Variants in STEAP2 observed in about 807,000 individuals in gnomAD.
The protein encoded by STEAP2 is STEAP2 metalloreductase, also known as metalloreductase STEAP2.
In STEAP2, 30 loss-of-function variants were observed where a neutral mutation model predicts 46.4. That is an observed-to-expected ratio of 0.65 (90% CI 0.48 to 0.88). STEAP2 has a LOEUF of 0.88. Ranked by LOEUF, STEAP2 falls within the 40% of genes least tolerant of loss-of-function variation. The probability of loss-of-function intolerance (pLI) is 0.00; values close to 1 mark genes in which losing one functional copy is unlikely to be tolerated. For synonymous variants in STEAP2, 180 were observed against 200.5 expected (o/e 0.90, Z 0.86); for missense variants, 513 against 579.3 (o/e 0.89, Z 1.18).
chr7:90,232,115 T>C lies in STEAP2; in HGVS notation c.1186-222T>C, dbSNP rs531647939. ...ATATTAAACTGTATGCAGTAGGGCC[T>C]TATTTGTGTAACATAAGGTGTGCAT... On this transcript the variant is annotated intron_variant, in intron 5 of 5. Coordinates refer to ENST00000394621, the MANE Select transcript of STEAP2 (RefSeq NM_001244944.2). 3.9e-5 allele frequency among the ~76,000 whole-genome samples: 6 copies of C among 152,112 alleles called. No individual in the cohort carries two copies. The East Asian group carries it at 1.2e-3, about 29-fold the overall frequency.
intron 5 of STEAP2, among the ~76,000 whole-genome samples, chr7:90,231,361 A>G (rs1795739907): frequency 6.6e-6 from 1 of 151,794 alleles, no homozygotes. Context: ...AATTAATTTT[A>G]ATAATTTTAA....
downstream of STEAP2, among the ~76,000 whole-genome samples, chr7:90,240,539 T>C (rs952747879): frequency 3.3e-5 from 5 of 152,138 alleles, no homozygotes; most frequent in Admixed American, 3.3e-4. This position sits in a 1 kb window ranked among gnomAD's most constrained non-coding sequence, Gnocchi z 4.1. Context: ...CAAGAATATA[T>C]AATTATTCAT....
At chr7:90,212,871 C>G (rs1002504733) in intron 1 of STEAP2, among the ~76,000 whole-genome samples, 10 of 126,260 alleles carry the variant, frequency 7.9e-5, no homozygotes, top group African/African-American at 2.7e-4. Flanking sequence ...GTCCTTTTAA[C>G]AGCCCCGCTG....
intron 2 of STEAP2, among the ~76,000 whole-genome samples, chr7:90,219,590 G>C (rs192395502): frequency 1.3e-5 from 2 of 152,232 alleles, no homozygotes; most frequent in Non-Finnish European, 2.9e-5. Context: ...ATGTATCACA[G>C]TTGTTGATTT....
chr7:90,217,632 C>T (rs989622119), intron 2 of STEAP2, among the ~76,000 whole-genome samples: 2 of 148,440 alleles, frequency 1.3e-5, no homozygotes, highest in Admixed American at 6.8e-5. Flanking sequence ...TGTATACATA[C>T]CACATTTTCT....
At chr7:90,219,028 TG>T (rs1464512130) in intron 2 of STEAP2, among the ~76,000 whole-genome samples, 14 of 152,226 alleles carry the variant, frequency 9.2e-5, no homozygotes, top group Middle Eastern at 3.4e-3. Flanking sequence ...TGTTTGTTTT[TG>T]TTTTTTTTAT....
At position 90,232,501 on chromosome 7, in the gene STEAP2, C is replaced by T. The variant is rs1476844530; in HGVS notation, c.1350C>T (p.Phe450=). Residue 450 remains phenylalanine (F), a synonymous_variant, in exon 6 of 6, where the codon TTC becomes TTT. Coordinates refer to ENST00000394621, the MANE Select transcript of STEAP2 (RefSeq NM_001244944.2). ...TAATTCTGGGTAAGATTATTTTATTCCTTCCATGTATAAGCCGAAAGCTAA... is the reference window on the plus strand; with the variant it reads ...TAATTCTGGGTAAGATTATTTTATTTCTTCCATGTATAAGCCGAAAGCTAA... ...SIVILGKIIL[F]LPCISRKLKR... is the part of the protein sequence containing the mutation. 6 of 1,613,672 alleles carry T rather than the reference C, an allele frequency of 3.7e-6. No homozygotes were observed. The highest frequency in any genetic ancestry group is 3.3e-4 in the Middle Eastern group (2 of 6,060).
At position 90,217,893 on chromosome 7, in the gene STEAP2, A is replaced by G. The variant is rs564847051; in HGVS notation, c.-34+1290A>G. ...ACTAATTTACATTTCCACCAATAAC[A>G]TATAAGGATTCCCTTTTCTCTGAAT... is the stretch of plus-strand genomic sequence containing the variant. On this transcript the variant is annotated intron_variant, in intron 2 of 5. Transcript: ENST00000394621. Among the ~76,000 whole-genome samples the G allele has an allele frequency of 8.5e-5, 13 of 152,268 alleles. No homozygotes were observed. In the South Asian group the frequency reaches 2.5e-3, roughly 29 times the overall value.
chr7:90,239,603 AGTT>A (rs1267142392), downstream of STEAP2, among the ~76,000 whole-genome samples: 1 of 152,230 alleles, frequency 6.6e-6, no homozygotes, highest in African/African-American at 2.4e-5. Context: ...CACAATAAAT[AGTT>A]GTTCTAAAAT....
rs771706767 is a variant in STEAP2 at position 90,227,234 on chromosome 7, A to G, written c.756A>G (p.Ile252Met). 10 of 1,613,840 alleles carry G rather than the reference A, an allele frequency of 6.2e-6. No individual in the cohort carries two copies. The highest frequency in any genetic ancestry group is 1.1e-5 in the South Asian group (1 of 91,078). Residue 252 changes from isoleucine (I) to methionine (M), a missense_variant, in exon 4 of 6, where the codon ATA (isoleucine) becomes ATG (methionine). Coordinates refer to ENST00000394621, the MANE Select transcript of STEAP2 (RefSeq NM_001244944.2). ...AGAGTGACTTTTACAAAATTCCTATAGAGATTGTGAATAAAACCTTACCTA... is the reference window on the plus strand; with the variant it reads ...AGAGTGACTTTTACAAAATTCCTATGGAGATTGTGAATAAAACCTTACCTA... The part of the protein sequence containing the change: ...NQQSDFYKIP[I>M]EIVNKTLPIV...
chr7:90,226,233 G>GA (rs1258471634), intron 3 of STEAP2, among the ~76,000 whole-genome samples: 1 of 151,946 alleles, frequency 6.6e-6, no homozygotes, highest in Non-Finnish European at 1.5e-5. Flanking sequence ...ATTTTTAACA[G>GA]AAAAAAATGT....
In STEAP2 at chr7:90,225,318, A is replaced by G. The variant is rs1280015328; in HGVS notation, c.236A>G (p.His79Arg). The change falls in exon 3 of 6, where the codon CAT (histidine) becomes CGT (arginine). Residue 79 changes from histidine to arginine, a missense_variant. His to Arg is a conservative substitution (Grantham distance 29, BLOSUM62 0). Transcript: ENST00000394621. ...FFPHVVDVTH[H>R]EDALTKTNII... Reference sequence around the variant, plus strand: ...CCTCATGTGGTAGATGTCACTCATCATGAAGATGCTCTCACAAAAACAAAT... The same window carrying G: ...CCTCATGTGGTAGATGTCACTCATCGTGAAGATGCTCTCACAAAAACAAAT... 3.1e-6 allele frequency: 5 copies of G among 1,614,008 alleles called. No homozygotes were observed. Among genetic ancestry groups the G allele is most frequent in the South Asian group, 1.1e-5 (1 of 91,082 alleles).
Position 90,233,420 on chromosome 7 carries a change from A to C in STEAP2, c.*796A>C. ...GTACCAATCCTAGGAACTGTATACT[A>C]GTTCCTACTTAGAACAAAAGTATCA... On this transcript the variant is annotated 3_prime_UTR_variant, in exon 6 of 6. Coordinates refer to ENST00000394621, the MANE Select transcript of STEAP2 (RefSeq NM_001244944.2). 9.1e-6 allele frequency: 9 copies of C among 985,374 alleles called. No individual in the cohort carries two copies. Among genetic ancestry groups the C allele is most frequent in the Non-Finnish European group, 1.1e-5 (9 of 829,892 alleles). 61.0% of individuals were successfully genotyped at this position (985,374 alleles called of 1,614,324 possible). A position where few individuals can be genotyped will look rare whatever the true frequency, so the allele number is the denominator to read the frequency against.
downstream of STEAP2, chr7:90,238,222 T>C: frequency 4.3e-6 from 3 of 702,074 alleles, no homozygotes; most frequent in South Asian, 3.1e-5. Context: ...AACTGACCTT[T>C]GTGCCTGTGC....
chr7:90,232,286 A>C, intron 5 of STEAP2, 51 bp from the exon 6 acceptor site: 7 of 1,481,926 alleles, frequency 4.7e-6, no homozygotes, highest in Non-Finnish European at 6.3e-6. Context: ...TATGAGTTTC[A>C]GTCATTTGTT....
Position 90,235,903 on chromosome 7 carries a change from C to G in STEAP2, c.*3279C>G. 1.1e-6 allele frequency: 1 copy of G among 935,364 alleles called. No homozygotes were observed. The highest frequency in any genetic ancestry group is 1.3e-6 in the Non-Finnish European group (1 of 784,484). 57.9% of individuals were successfully genotyped at this position (935,364 alleles called of 1,614,324 possible). On this transcript the variant is annotated 3_prime_UTR_variant, in exon 6 of 6. Transcript: ENST00000394621. The stretch of plus-strand genomic sequence containing the variant: ...AGAGATGATTATTTTGTGCTACATA[C>G]AGGTTGGCTAATGAGCTCTAGTGTT...
At position 90,234,450 on chromosome 7, in the gene STEAP2, C is replaced by T. The variant is rs575414963; in HGVS notation, c.*1826C>T. 5.1e-6 allele frequency: 5 copies of T among 985,088 alleles called. No individual in the cohort carries two copies. Among genetic ancestry groups the T allele is most frequent in the South Asian group, 4.7e-5 (1 of 21,270 alleles). 61.0% of individuals were successfully genotyped at this position (985,088 alleles called of 1,614,324 possible). A position where few individuals can be genotyped will look rare whatever the true frequency, so the allele number is the denominator to read the frequency against. On this transcript the variant is annotated 3_prime_UTR_variant, in exon 6 of 6. Transcript: ENST00000394621. Reference sequence around the variant, plus strand: ...TTTATTTAGTAGAGGCTACCTTTCCCACCAGTGACTCTTTTTCTACAACTG... The same window carrying T: ...TTTATTTAGTAGAGGCTACCTTTCCTACCAGTGACTCTTTTTCTACAACTG...
intron 2 of STEAP2, among the ~76,000 whole-genome samples, chr7:90,218,098 C>G (rs1331087327): frequency 2.0e-5 from 3 of 152,000 alleles, no homozygotes; most frequent in Non-Finnish European, 4.4e-5. Flanking sequence ...ATGACCTTTA[C>G]CCATTTTTAT....
chr7:90,232,669 C>G lies in STEAP2; in HGVS notation c.*45C>G. 6.6e-7 allele frequency: 1 copy of G among 1,518,054 alleles called. No individual in the cohort carries two copies. The highest frequency in any genetic ancestry group is 2.1e-5 in the Admixed American group (1 of 47,728). The allele number at this position is 1,518,054 out of a possible 1,614,324, so 94.0% of individuals were successfully genotyped here. A position where few individuals can be genotyped will look rare whatever the true frequency, so the allele number is the denominator to read the frequency against. On this transcript the variant is annotated 3_prime_UTR_variant, in exon 6 of 6. Transcript: ENST00000394621. Reference sequence around the variant, plus strand: ...CTGCCATATAAAGTTCTACTCATGCCATTATTTTTATGACTTCTACGTTCA... The same window carrying G: ...CTGCCATATAAAGTTCTACTCATGCGATTATTTTTATGACTTCTACGTTCA...
Sources: allele counts gnomAD v4.1 joint callset (sites outside exome capture counted in the v4.1 genomes callset), GRCh38; gene constraint gnomAD v4.1.1; non-coding constraint Gnocchi (gnomAD v3.1); transcripts MANE v1.5; gene names NCBI Gene and HGNC (gene_info 2026-07-23, HGNC 2026-07-21).